PRRT3: variants seen among roughly 807,000 people sequenced by gnomAD.
The protein encoded by PRRT3 is proline-rich transmembrane protein 3.
In PRRT3, 48 loss-of-function variants were observed where a neutral mutation model predicts 56.6. The observed-to-expected ratio is 0.85, with a 90% CI of 0.67 to 1.08. PRRT3 has a LOEUF of 1.08. PRRT3 is among the 50% of genes least tolerant of loss of function. PRRT3 has a pLI of 0.00. For missense variants in PRRT3, 1,370 were observed against 1,353.1 expected, an observed-to-expected ratio of 1.01 and a Z score of -0.20; for synonymous variants, 641 against 619.1, an observed-to-expected ratio of 1.04 and a Z score of -0.52.
At position 9,949,196 on chromosome 3, in the gene PRRT3, G is replaced by A; in HGVS notation, c.920C>T (p.Pro307Leu). The change falls in exon 2 of 4, where the codon CCC (proline) becomes CTC (leucine). Residue 307 changes from proline to leucine, a missense_variant. Physicochemically the swap from Pro to Leu is moderately conservative, Grantham distance 98 (BLOSUM62 -3). Coordinates refer to ENST00000412055, the MANE Select transcript of PRRT3 (RefSeq NM_207351.5). This position sits in a 1 kb window ranked among gnomAD's most constrained non-coding sequence, Gnocchi z 4.5. ...AGCGTCAGGAAGGTCAGCCTGCTTG[G>A]GCGGGGGACCTGGGGAGCTGACTTC... The part of the protein sequence containing the change: ...SWEVSSPGPP[P>L]KQADLPDAKD... The A allele has an allele frequency of 6.2e-7, 1 of 1,611,090 alleles. No homozygotes were observed. Among genetic ancestry groups the A allele is most frequent in the South Asian group, 1.1e-5 (1 of 90,698 alleles).
intron 1 of PRRT3, 105 bp from the exon 2 acceptor site, chr3:9,950,277 C>T: frequency 2.2e-6 from 1 of 454,182 alleles, no homozygotes; most frequent in East Asian, 3.5e-5. Flanking sequence ...AGCAGCTTCT[C>T]TGCTTTTAAA....
At chr3:9,948,578 G>T in intron 3 of PRRT3, 180 bp downstream of exon 3, 1 of 688,536 alleles carries the variant, frequency 1.5e-6, no homozygotes, top group Non-Finnish European at 2.5e-6. Flanking sequence ...ACTTCTCCCA[G>T]ATTTCCCAGT....
rs1003729986 is a variant in PRRT3, at chr3:9,950,191, A to G, written c.-57-19T>C. ...GATGAGCCTAAAAAAAAAACAGGGC[A>G]TGGAATGACATGTGAGGGCTGGGGG... On this transcript the variant is annotated intron_variant, in intron 1 of 3. Coordinates refer to ENST00000412055, the MANE Select transcript of PRRT3 (RefSeq NM_207351.5). 3 of 1,253,328 alleles carry G rather than the reference A, an allele frequency of 2.4e-6. No individual in the cohort carries two copies. Among genetic ancestry groups the G allele is most frequent in the South Asian group, 3.3e-5 (1 of 30,262 alleles). The allele number at this position is 1,253,328 out of a possible 1,614,324, so 77.6% of individuals were successfully genotyped here. A position where few individuals can be genotyped will look rare whatever the true frequency, so the allele number is the denominator to read the frequency against.
intron 3 of PRRT3, 53 bp from the exon 4 acceptor site, chr3:9,948,054 T>C (rs1396791043): frequency 2.3e-6 from 3 of 1,289,206 alleles, no homozygotes. Flanking sequence ...TTTGATTTTG[T>C]ATCACCCTCT....
Position 9,947,314 on chromosome 3 carries a change from C to T in PRRT3, c.1859G>A (p.Cys620Tyr), listed in dbSNP as rs758953857. 1.6e-5 allele frequency: 25 copies of T among 1,597,620 alleles called. No individual in the cohort carries two copies. In the Admixed American group the frequency reaches 4.1e-4, roughly 26 times the overall value. Residue 620 changes from cysteine (C) to tyrosine (Y), a missense_variant, in exon 4 of 4, where the codon TGC (cysteine) becomes TAC (tyrosine). Transcript: ENST00000412055. The surrounding 1 kb of genome is among the most constrained non-coding windows in gnomAD (Gnocchi z 9.2). ...TGGGCCGTCCAGCAGGCGGCGACGG[C>T]ACAGGCAGAGCGTGCCCAGAGCCAC... ...AAVALGTLCL[C>Y]RRRLLDGPRG...
In PRRT3 at chr3:9,946,146, T is replaced by G; in HGVS notation, c.*81A>C. ...CCACCGCGCCTGGCCAGGATGCCCA[T>G]TTTTTAAAGGCTCAACTGTCCCAGT... is the stretch of plus-strand genomic sequence containing the variant. On this transcript the variant is annotated 3_prime_UTR_variant, in exon 4 of 4. Transcript: ENST00000412055. This position sits in a 1 kb window ranked among gnomAD's most constrained non-coding sequence, Gnocchi z 4.1. The G allele has an allele frequency of 6.7e-7, 1 of 1,502,350 alleles. No homozygotes were observed. Among genetic ancestry groups the G allele is most frequent in the Non-Finnish European group, 8.9e-7 (1 of 1,125,064 alleles). 93.1% of individuals were successfully genotyped at this position (1,502,350 alleles called of 1,614,324 possible). A position where few individuals can be genotyped will look rare whatever the true frequency, so the allele number is the denominator to read the frequency against.
chr3:9,951,453 G>C (rs530597357), intron 1 of PRRT3, among the ~76,000 whole-genome samples: 2 of 152,298 alleles, frequency 1.3e-5, no homozygotes, highest in African/African-American at 4.8e-5. Flanking sequence ...CGAAAGTTGT[G>C]AACAATTTCA....
Position 9,947,081 on chromosome 3 carries a change from C to T in PRRT3, c.2092G>A (p.Val698Met). 6.5e-7 allele frequency: 1 copy of T among 1,534,608 alleles called. No individual in the cohort carries two copies. Among genetic ancestry groups the T allele is most frequent in the Non-Finnish European group, 8.7e-7 (1 of 1,145,252 alleles). The change falls in exon 4 of 4, where the codon GTG becomes ATG. Residue 698 changes from valine to methionine, a missense_variant. Coordinates refer to ENST00000412055, the MANE Select transcript of PRRT3 (RefSeq NM_207351.5). The surrounding 1 kb of genome is among the most constrained non-coding windows in gnomAD (Gnocchi z 9.2). ...TWALALALAA[V>M]AAARPRPPTE... The stretch of plus-strand genomic sequence containing the variant: ...GGCGGCCTGGGTCTCGCGGCAGCCA[C>T]CGCGGCCAACGCCAGGGCGAGCGCC...
Position 9,947,921 on chromosome 3 carries a change from C to T in PRRT3, c.1252G>A (p.Gly418Ser), listed in dbSNP as rs1281379477. 4.9e-6 allele frequency: 7 copies of T among 1,414,568 alleles called. No homozygotes were observed. The East Asian group carries it at 1.9e-4, about 39-fold the overall frequency. The allele number at this position is 1,414,568 out of a possible 1,614,324, so 87.6% of individuals were successfully genotyped here. ...CGCTGCGTGGTGACTCGAATGAGGCCCCGGCGTGACGTCGAGGGGGCCTGG... is the reference window on the plus strand; with the variant it reads ...CGCTGCGTGGTGACTCGAATGAGGCTCCGGCGTGACGTCGAGGGGGCCTGG... Reference protein sequence around the residue: ...PVQAPSTSRRGLIRVTTQRAL... With the variant: ...PVQAPSTSRRSLIRVTTQRAL... The change falls in exon 4 of 4, where the codon GGC becomes AGC. Residue 418 changes from glycine to serine, a missense_variant. Physicochemically the swap from Gly to Ser is moderately conservative, Grantham distance 56. Coordinates refer to ENST00000412055, the MANE Select transcript of PRRT3 (RefSeq NM_207351.5). This position sits in a 1 kb window ranked among gnomAD's most constrained non-coding sequence, Gnocchi z 9.2.
rs1421638274 is a variant in PRRT3, at chr3:9,946,880, C to T, written c.2293G>A (p.Ala765Thr). 9 of 1,538,976 alleles carry T rather than the reference C, an allele frequency of 5.8e-6. No homozygotes were observed. In the African/African-American group the frequency reaches 1.1e-4, roughly 19 times the overall value. ...CCCCAGGCGCCTGAACTGGGCGTGG[C>T]CAGCTGCCCACTCTCCGCCGGGTTG... Reference protein sequence around the residue: ...IRNPAESGQLATPSSGAWGSA... With the variant: ...IRNPAESGQLTTPSSGAWGSA... Residue 765 changes from alanine (A) to threonine (T), a missense_variant, in exon 4 of 4, where the codon GCC (alanine) becomes ACC (threonine). Ala to Thr is a moderately conservative substitution (Grantham distance 58). Coordinates refer to ENST00000412055, the MANE Select transcript of PRRT3 (RefSeq NM_207351.5). The surrounding 1 kb of genome is among the most constrained non-coding windows in gnomAD (Gnocchi z 4.1).
Position 9,948,823 on chromosome 3 carries a change from G to C in PRRT3, c.1106C>G (p.Pro369Arg), listed in dbSNP as rs772318958. 1 of 1,613,516 alleles carries C rather than the reference G, an allele frequency of 6.2e-7. No individual in the cohort carries two copies. Among genetic ancestry groups the C allele is most frequent in the Admixed American group, 1.7e-5 (1 of 59,890 alleles). The change falls in exon 3 of 4, where the codon CCT (proline) becomes CGT (arginine). Residue 369 changes from proline to arginine, a missense_variant. Physicochemically the swap from Pro to Arg is moderately radical, Grantham distance 103 (BLOSUM62 -2). Transcript: ENST00000412055. ...AGCTGGGCCAGGGTCTGAGGGACCA[G>C]GGATGAGAGACTTGGGGGTGCCTGG... is the stretch of plus-strand genomic sequence containing the variant. Reference protein sequence around the residue: ...EAPGTPKSLIPGPSDPGPAVN... With the variant: ...EAPGTPKSLIRGPSDPGPAVN...
chr3:9,946,989 C>T lies in PRRT3; in HGVS notation c.2184G>A (p.Glu728=), dbSNP rs1263415622. The T allele has an allele frequency of 1.9e-6, 3 of 1,543,432 alleles. No individual in the cohort carries two copies. Among genetic ancestry groups the T allele is most frequent in the Non-Finnish European group, 2.6e-6 (3 of 1,149,292 alleles). ...AGCAGTTATTGGGTCGCTCCGGCAC[C>T]TCGCTCTTTCCTGACGGCGCCGGGC... The part of the protein sequence containing the change: ...LACPAPSGKS[E]VPERPNNCYA... The change falls in exon 4 of 4, where the codon GAG becomes GAA. Residue 728 remains glutamate, a synonymous_variant. Coordinates refer to ENST00000412055, the MANE Select transcript of PRRT3 (RefSeq NM_207351.5). The surrounding 1 kb of genome is among the most constrained non-coding windows in gnomAD (Gnocchi z 4.1).
In PRRT3 at chr3:9,946,071, C is replaced by T; in HGVS notation, c.*156G>A. Reference sequence around the variant, plus strand: ...GAGGCTGATCTCGAACTCCTGACCTCGTGTTCCACCCACCTCGGCCTCCCA... The same window carrying T: ...GAGGCTGATCTCGAACTCCTGACCTTGTGTTCCACCCACCTCGGCCTCCCA... On this transcript the variant is annotated 3_prime_UTR_variant, in exon 4 of 4. Coordinates refer to ENST00000412055, the MANE Select transcript of PRRT3 (RefSeq NM_207351.5). The surrounding 1 kb of genome is among the most constrained non-coding windows in gnomAD (Gnocchi z 4.1). 1 of 1,128,680 alleles carries T rather than the reference C, an allele frequency of 8.9e-7. No individual in the cohort carries two copies. The highest frequency in any genetic ancestry group is 1.2e-6 in the Non-Finnish European group (1 of 824,768). The allele number at this position is 1,128,680 out of a possible 1,614,324, so 69.9% of individuals were successfully genotyped here.
Position 9,946,409 on chromosome 3 carries a change from C to A in PRRT3, c.2764G>T (p.Gly922Trp). 1 of 1,605,590 alleles carries A rather than the reference C, an allele frequency of 6.2e-7. No individual in the cohort carries two copies. The change falls in exon 4 of 4, where the codon GGG becomes TGG. Residue 922 changes from glycine (G) to tryptophan (W), a missense_variant. By Grantham distance (184) the Gly-to-Trp change is radical. Transcript: ENST00000412055. This position sits in a 1 kb window ranked among gnomAD's most constrained non-coding sequence, Gnocchi z 4.1. ...GGCAGACTGTCCACTGATGACAGCC[C>A]GTGGCGCCAGGGGTTCCAACTGATC... ...LKISWNPWRH[G>W]LSSVDSLPLD...
Position 9,946,734 on chromosome 3 carries a change from G to T in PRRT3, c.2439C>A (p.Ser813Arg), listed in dbSNP as rs778508463. 4.6e-6 allele frequency: 7 copies of T among 1,515,054 alleles called. No homozygotes were observed. Among genetic ancestry groups the T allele is most frequent in the Admixed American group, 2.1e-5 (1 of 47,972 alleles). 93.9% of individuals were successfully genotyped at this position (1,515,054 alleles called of 1,614,324 possible). A position where few individuals can be genotyped will look rare whatever the true frequency, so the allele number is the denominator to read the frequency against. The change falls in exon 4 of 4, where the codon AGC becomes AGA. Residue 813 changes from serine (S) to arginine (R), a missense_variant. By Grantham distance (110) the Ser-to-Arg change is moderately radical (BLOSUM62 -1). Transcript: ENST00000412055. This position sits in a 1 kb window ranked among gnomAD's most constrained non-coding sequence, Gnocchi z 4.1. Reference sequence around the variant, plus strand: ...GGAAGAGCGCGGCGTCGATGCTGCGGCTCAGGTTGATGGGCGATGGCGGCC... The same window carrying T: ...GGAAGAGCGCGGCGTCGATGCTGCGTCTCAGGTTGATGGGCGATGGCGGCC... ...DLRPPSPINL[S>R]RSIDAALFRE...
Position 9,946,499 on chromosome 3 carries a change from G to A in PRRT3, c.2674C>T (p.Pro892Ser). 1 of 1,539,152 alleles carries A rather than the reference G, an allele frequency of 6.5e-7. No individual in the cohort carries two copies. The highest frequency in any genetic ancestry group is 8.8e-7 in the Non-Finnish European group (1 of 1,141,648). The part of the protein sequence containing the change: ...GPVPQHVVEA[P>S]DGAAAAASGS... ...GAAGCCGCAGCGGCTGCCCCGTCGGGTGCTTCCACTACGTGCTGTGGGACC... is the reference window on the plus strand; with the variant it reads ...GAAGCCGCAGCGGCTGCCCCGTCGGATGCTTCCACTACGTGCTGTGGGACC... Residue 892 changes from proline to serine, a missense_variant, in exon 4 of 4, where the codon CCC becomes TCC. Pro to Ser is a moderately conservative substitution (Grantham distance 74). Transcript: ENST00000412055. This position sits in a 1 kb window ranked among gnomAD's most constrained non-coding sequence, Gnocchi z 4.1.
rs2085603027 is a variant in PRRT3 at position 9,950,222 on chromosome 3, A to T, written c.-57-50T>A. On this transcript the variant is annotated intron_variant, in intron 1 of 3. Coordinates refer to ENST00000412055, the MANE Select transcript of PRRT3 (RefSeq NM_207351.5). ...TGACATGTGAGGGCTGGGGGCCCCC[A>T]TGCCTTCCTCAAGGGGCTGACAGGA... is the stretch of plus-strand genomic sequence containing the variant. 4 of 882,986 alleles carry T rather than the reference A, an allele frequency of 4.5e-6. No homozygotes were observed. The South Asian group carries it at 2.1e-4, about 47-fold the overall frequency. 54.7% of individuals were successfully genotyped at this position (882,986 alleles called of 1,614,324 possible). A position where few individuals can be genotyped will look rare whatever the true frequency, so the allele number is the denominator to read the frequency against.
rs2085512830 is a variant in PRRT3 at position 9,946,136 on chromosome 3, A to C, written c.*91T>G. Reference sequence around the variant, plus strand: ...CTGGCGTGAGCCACCGCGCCTGGCCAGGATGCCCATTTTTTAAAGGCTCAA... The same window carrying C: ...CTGGCGTGAGCCACCGCGCCTGGCCCGGATGCCCATTTTTTAAAGGCTCAA... On this transcript the variant is annotated 3_prime_UTR_variant, in exon 4 of 4. Coordinates refer to ENST00000412055, the MANE Select transcript of PRRT3 (RefSeq NM_207351.5). This position sits in a 1 kb window ranked among gnomAD's most constrained non-coding sequence, Gnocchi z 4.1. The C allele has an allele frequency of 1.3e-6, 2 of 1,482,280 alleles. No individual in the cohort carries two copies. Among genetic ancestry groups the C allele is most frequent in the Non-Finnish European group, 1.8e-6 (2 of 1,114,968 alleles). The allele number at this position is 1,482,280 out of a possible 1,614,324, so 91.8% of individuals were successfully genotyped here.
chr3:9,946,700 GGT>G lies in PRRT3; in HGVS notation c.2471_2472del (p.His824ProfsTer109). The G allele has an allele frequency of 6.8e-7, 1 of 1,470,470 alleles. No individual in the cohort carries two copies. Among genetic ancestry groups the G allele is most frequent in the Non-Finnish European group, 8.9e-7 (1 of 1,119,114 alleles). 91.1% of individuals were successfully genotyped at this position (1,470,470 alleles called of 1,614,324 possible). ...RSIDAALFRE[H>X]LVRDSVFQRC... ...CGCTGGAACACACTGTCTCGCACTAGGTGCTCGCGGAAGAGCGCGGCGTCGAT... is the reference window on the plus strand; with the variant it reads ...CGCTGGAACACACTGTCTCGCACTAGGCTCGCGGAAGAGCGCGGCGTCGAT... On this transcript the variant is annotated frameshift_variant, in exon 4 of 4. Coordinates refer to ENST00000412055, the MANE Select transcript of PRRT3 (RefSeq NM_207351.5). LOFTEE classifies it low-confidence loss of function (END_TRUNC). The surrounding 1 kb of genome is among the most constrained non-coding windows in gnomAD (Gnocchi z 4.1).
Sources: gnomAD v4.1 joint callset for allele counts (sites outside exome capture counted in the v4.1 genomes callset) on GRCh38, gnomAD v4.1.1 for gene constraint, Gnocchi (gnomAD v3.1) non-coding constraint, MANE v1.5 for transcripts, NCBI Gene and HGNC (gene_info 2026-07-23, HGNC 2026-07-21) for gene names.